Variants in MTMR8 observed in about 807,000 individuals in gnomAD.
MTMR8 encodes myotubularin related protein 8.
In MTMR8, 65 loss-of-function variants were observed where a neutral mutation model predicts 39.3. The observed-to-expected ratio is 1.65, with a 90% CI of 1.35 to 2.03. MTMR8 has a LOEUF of 2.03. MTMR8 is among the 30% of genes most tolerant of loss of function. The pLI is 0.00. For missense variants in MTMR8, 777 were observed against 538.9 expected (o/e 1.44, Z -4.37); for synonymous variants, 245 against 185.2 (o/e 1.32, Z -2.62).
rs749420160 is a variant in MTMR8, at chrX:64,348,737, C to T, written c.655G>A (p.Asp219Asn). The T allele has an allele frequency of 2.5e-6, 3 of 1,210,492 alleles. No homozygotes were observed. The highest frequency in any genetic ancestry group is 4.6e-4 in the Middle Eastern group (2 of 4,347). Residue 219 changes from aspartate (D) to asparagine (N), a missense_variant, in exon 6 of 14, where the codon GAT becomes AAT. By Grantham distance (23) the Asp-to-Asn change is conservative. Coordinates refer to ENST00000374852, the MANE Select transcript of MTMR8 (RefSeq NM_017677.4). ...LSGFYTRCVDDELLLEAISQT... is the reference protein window; with the variant it reads ...LSGFYTRCVDNELLLEAISQT... The stretch of plus-strand genomic sequence containing the variant: ...CTAATGGCCTCCAACAAGAGCTCAT[C>T]ATCTACACAGCGAGTGTAAAATCCA...
chrX:64,269,768 C>A (rs1182652763), intron 13 of MTMR8, among the ~76,000 whole-genome samples: 1 of 111,034 alleles, frequency 9.0e-6, no homozygotes, highest in Non-Finnish European at 1.9e-5. Flanking sequence ...TATTTTCTAA[C>A]TTAACACTTA....
chrX:64,304,563 G>A (rs537783414), intron 12 of MTMR8, among the ~76,000 whole-genome samples: 3 of 110,362 alleles, frequency 2.7e-5, no homozygotes, highest in Admixed American at 9.8e-5. Flanking sequence ...TCTCTTTTAC[G>A]GTTACAAGCC....
intron 12 of MTMR8, among the ~76,000 whole-genome samples, chrX:64,327,422 G>GA (rs1259266737): frequency 8.9e-6 from 1 of 111,754 alleles, no homozygotes; most frequent in Admixed American, 9.5e-5. Flanking sequence ...ATAGGTATAT[G>GA]AAAAAAATGC....
chrX:64,368,590 C>G (rs1029113632), intron 1 of MTMR8, among the ~76,000 whole-genome samples: 2 of 111,776 alleles, frequency 1.8e-5, no homozygotes, highest in Non-Finnish European at 3.8e-5. Flanking sequence ...CTTCCTTACA[C>G]CTTATACAAA....
chrX:64,384,947 C>T (rs750844292), intron 1 of MTMR8, among the ~76,000 whole-genome samples: 23 of 112,574 alleles, frequency 2.0e-4, no homozygotes, highest in Non-Finnish European at 4.1e-4. Context: ...ATGTGCTTTT[C>T]TTTTCTACCA....
chrX:64,338,226 A>C (rs1032521233), intron 8 of MTMR8, among the ~76,000 whole-genome samples: 1 of 112,079 alleles, frequency 8.9e-6, no homozygotes, highest in Non-Finnish European at 1.9e-5. Flanking sequence ...ACACCTAGCC[A>C]ATAATTACTG....
At chrX:64,370,663 G>A (rs761936624) in intron 1 of MTMR8, among the ~76,000 whole-genome samples, 26 of 111,917 alleles carry the variant, frequency 2.3e-4, no homozygotes, top group Admixed American at 2.2e-3. Flanking sequence ...AGTCAACAAC[G>A]TACCACAAAT....
chrX:64,290,922 T>G (rs1460506595), intron 12 of MTMR8, among the ~76,000 whole-genome samples: 1 of 112,033 alleles, frequency 8.9e-6, no homozygotes, highest in African/African-American at 3.2e-5. Context: ...TAAGTATTCA[T>G]GTAGAGGTTT....
chrX:64,309,267 C>G (rs775732988), intron 12 of MTMR8, among the ~76,000 whole-genome samples: 1 of 111,637 alleles, frequency 9.0e-6, no homozygotes, highest in Non-Finnish European at 1.9e-5. Flanking sequence ...TTATTTAGTT[C>G]TTTGATTTCA....
intron 12 of MTMR8, among the ~76,000 whole-genome samples, chrX:64,297,904 T>C (rs1213782753): frequency 9.8e-6 from 1 of 102,362 alleles, no homozygotes; most frequent in African/African-American, 3.6e-5. Context: ...GTAGGCGGCG[T>C]TATTTCTGAG....
intron 12 of MTMR8, among the ~76,000 whole-genome samples, chrX:64,314,440 G>A (rs922011960): frequency 1.6e-4 from 18 of 112,588 alleles, no homozygotes; most frequent in African/African-American, 4.8e-4. Context: ...TTAGCATGGG[G>A]GTAGGGCACT....
rs762163135 is a variant in MTMR8 at position 64,345,164 on chromosome X, G to A, written c.746C>T (p.Ala249Val). 3.1e-5 allele frequency: 37 copies of A among 1,209,118 alleles called. No individual in the cohort carries two copies. In the South Asian group the frequency reaches 4.1e-4, roughly 13 times the overall value. Residue 249 changes from alanine to valine, a missense_variant, in exon 7 of 14, where the codon GCC becomes GTC. Ala to Val is a moderately conservative substitution (Grantham distance 64). Transcript: ENST00000374852. ...VDTRPKLNAM[A>V]NRAAGKGYEN... ...ATACCCCTTCCCAGCTGCTCGGTTG[G>A]CCATGGCATTCAACTGCAATAGCAG... is the stretch of plus-strand genomic sequence containing the variant.
At chrX:64,356,028 G>T (rs1471929349) in intron 3 of MTMR8, 148 bp downstream of exon 3, 7 of 523,043 alleles carry the variant, frequency 1.3e-5, no homozygotes, top group Admixed American at 8.0e-5. Flanking sequence ...GAGTTCAGAG[G>T]TTATATAACT....
At chrX:64,341,988 GAAC>G (rs1344025781) in intron 8 of MTMR8, among the ~76,000 whole-genome samples, 3 of 112,128 alleles carry the variant, frequency 2.7e-5, no homozygotes, top group African/African-American at 6.5e-5. Context: ...GTATGTTAGA[GAAC>G]AGCAAGAGGT....
Position 64,359,543 on chromosome X carries a change from A to T in MTMR8, c.25-16T>A. 1.7e-6 allele frequency: 2 copies of T among 1,192,498 alleles called. No homozygotes were observed. The highest frequency in any genetic ancestry group is 2.3e-6 in the Non-Finnish European group (2 of 883,477). ...CGTTTTCTACCTGTTATTGGAGGAAAAAATACTGAATAAGTTACCAACTCA... is the reference window on the plus strand; with the variant it reads ...CGTTTTCTACCTGTTATTGGAGGAATAAATACTGAATAAGTTACCAACTCA... On this transcript the variant is annotated splice_polypyrimidine_tract_variant and intron_variant, in intron 1 of 13. Coordinates refer to ENST00000374852, the MANE Select transcript of MTMR8 (RefSeq NM_017677.4).
intron 12 of MTMR8, among the ~76,000 whole-genome samples, chrX:64,286,837 C>T (rs1171815443): frequency 9.0e-6 from 1 of 111,428 alleles, no homozygotes; most frequent in Non-Finnish European, 1.9e-5. Context: ...CTATTTATGA[C>T]AAACCCACAG....
Position 64,331,592 on chromosome X carries a change from G to A in MTMR8, c.1317C>T (p.Phe439=). The A allele has an allele frequency of 8.3e-7, 1 of 1,210,362 alleles. No homozygotes were observed. The highest frequency in any genetic ancestry group is 1.1e-6 in the Non-Finnish European group (1 of 894,871). Residue 439 remains phenylalanine, a synonymous_variant, in exon 11 of 14, where the codon TTC becomes TTT. Transcript: ENST00000374852. ...CCCGATCCTTCTGGCAGTTACCAAG[G>A]AAGTTTCCAAACTGGCAGGAGAAAA... ...DHVFSCQFGN[F]LGNCQKDRED... is the part of the protein sequence containing the mutation.
chrX:64,370,971 A>G (rs1236606491), intron 1 of MTMR8, among the ~76,000 whole-genome samples: 1 of 111,540 alleles, frequency 9.0e-6, no homozygotes, highest in Non-Finnish European at 1.9e-5. Context: ...TGGGCAACAT[A>G]GCAAGAACTC....
At chrX:64,302,917 GT>G in intron 12 of MTMR8, among the ~76,000 whole-genome samples, 1 of 112,414 alleles carries the variant, frequency 8.9e-6, no homozygotes, top group East Asian at 2.8e-4. Flanking sequence ...TCCTTCATGA[GT>G]TCCTTAGCCC....
Sources: gnomAD v4.1 joint callset for allele counts (sites outside exome capture counted in the v4.1 genomes callset) on GRCh38, gnomAD v4.1.1 for gene constraint, MANE v1.5 for transcripts, NCBI Gene and HGNC (gene_info 2026-07-23, HGNC 2026-07-21) for gene names.